Variants in DARS1 observed in about 807,000 individuals in gnomAD.
The protein encoded by DARS1 is aspartyl-tRNA synthetase 1, also known as aspartate--tRNA ligase, cytoplasmic.
Under a neutral mutation model 68.8 loss-of-function variants are expected in DARS1, and 51 were observed. That is an observed-to-expected ratio of 0.74 (90% confidence interval 0.59 to 0.94). The LOEUF is 0.94. Among genes scored for constraint, DARS1 ranks in the 40% least tolerant of loss-of-function variants. The pLI is 0.00. For missense variants in DARS1, 607 were observed against 597.3 expected (o/e 1.02, Z -0.17); for synonymous variants, 203 against 190.4 (o/e 1.07, Z -0.55).
chr2:135,926,186 T>C (rs1014268318), intron 7 of DARS1, among the ~76,000 whole-genome samples: 2 of 152,196 alleles, frequency 1.3e-5, no homozygotes, highest in Non-Finnish European at 2.9e-5. Context: ...CCACGACGCC[T>C]GGCCTAAACT....
chr2:135,978,845 C>T (rs929664537), intron 3 of DARS1: 8 of 153,974 alleles, frequency 5.2e-5, no homozygotes, highest in African/African-American at 1.9e-4. Flanking sequence ...TATTGAATTG[C>T]CCAGTCTTAT....
chr2:135,915,976 G>T (rs309171), intron 11 of DARS1, among the ~76,000 whole-genome samples: 1 of 151,998 alleles, frequency 6.6e-6, no homozygotes, highest in East Asian at 1.9e-4. Context: ...TTATATAAAA[G>T]AGCATCATAC....
intron 5 of DARS1, among the ~76,000 whole-genome samples, chr2:135,935,798 C>T (rs1030599303): frequency 4.6e-5 from 7 of 152,004 alleles, no homozygotes; most frequent in South Asian, 4.1e-4. Context: ...AAAGCACAAA[C>T]GGGAAAAATA....
rs115316382 is a variant in DARS1 at position 135,933,001 on chromosome 2, G to A, written c.505-159C>T. ...AGATAATGGTAGAAACACAAAGTGC[G>A]GCCAGAGAGAAGTTAGCGTTAAAAG... On this transcript the variant is annotated intron_variant, in intron 6 of 15. Coordinates refer to ENST00000264161, the MANE Select transcript of DARS1 (RefSeq NM_001349.4). Among the ~76,000 whole-genome samples, 1,275 of 152,188 alleles carry A rather than the reference G, an allele frequency of 8.4e-3. 14 individuals are homozygous for A. The highest frequency in any genetic ancestry group is 0.027 in the African/African-American group (1,129 of 41,508).
intron 3 of DARS1, among the ~76,000 whole-genome samples, chr2:135,961,761 CA>C (rs1682107154): frequency 6.6e-6 from 1 of 152,036 alleles, no homozygotes; most frequent in Non-Finnish European, 1.5e-5. Context: ...TCACCAATTT[CA>C]AAAAAACTTC....
intron 5 of DARS1, among the ~76,000 whole-genome samples, chr2:135,940,683 T>C (rs1212152181): frequency 1.3e-5 from 2 of 152,178 alleles, no homozygotes; most frequent in African/African-American, 2.4e-5. Context: ...GAGAAAGGAA[T>C]AAAGGGTATT....
At chr2:135,963,678 T>C (rs1011492662) in intron 3 of DARS1, among the ~76,000 whole-genome samples, 1 of 139,924 alleles carries the variant, frequency 7.1e-6, no homozygotes, top group Non-Finnish European at 1.5e-5. Context: ...GGCCTATTAA[T>C]GACTTCTTTT....
chr2:135,935,257 C>T (rs758299297), intron 5 of DARS1, among the ~76,000 whole-genome samples: 2 of 152,038 alleles, frequency 1.3e-5, no homozygotes, highest in East Asian at 3.9e-4. Context: ...TCCTGCCAGT[C>T]TCCTGGTTAG....
At chr2:135,918,999 C>T (rs1190356264) in intron 10 of DARS1, among the ~76,000 whole-genome samples, 4 of 152,162 alleles carry the variant, frequency 2.6e-5, no homozygotes, top group African/African-American at 9.7e-5. Flanking sequence ...GGCACTTATG[C>T]TACAGTATTC....
intron 9 of DARS1, among the ~76,000 whole-genome samples, chr2:135,921,159 G>A (rs1681104121): frequency 6.7e-6 from 1 of 149,938 alleles, no homozygotes; most frequent in Non-Finnish European, 1.5e-5. Context: ...TTTTCCTCCT[G>A]TCCAGTCTTT....
intron 5 of DARS1, among the ~76,000 whole-genome samples, chr2:135,939,676 G>A (rs145602993): frequency 2.0e-5 from 3 of 152,110 alleles, no homozygotes; most frequent in African/African-American, 4.8e-5. Flanking sequence ...AATTGAAGGA[G>A]ACAGAGACAC....
chr2:135,975,569 AG>A (rs1447369003), intron 3 of DARS1, among the ~76,000 whole-genome samples: 1 of 151,876 alleles, frequency 6.6e-6, no homozygotes, highest in Non-Finnish European at 1.5e-5. Flanking sequence ...CGAGGTAGGC[AG>A]ATCACCTGAG....
intron 3 of DARS1, among the ~76,000 whole-genome samples, chr2:135,978,578 C>T (rs72974120): frequency 6.6e-6 from 1 of 152,310 alleles, no homozygotes; most frequent in Non-Finnish European, 1.5e-5. Context: ...TTAGACAATT[C>T]TGAACACTAC....
At chr2:135,956,875 T>C (rs1267888528) in intron 4 of DARS1, among the ~76,000 whole-genome samples, 2 of 151,970 alleles carry the variant, frequency 1.3e-5, no homozygotes, top group Non-Finnish European at 2.9e-5. Flanking sequence ...GCAATTCTCC[T>C]GCCTCAGCTT....
chr2:135,967,627 T>C (rs1002009128), intron 3 of DARS1, among the ~76,000 whole-genome samples: 1 of 152,172 alleles, frequency 6.6e-6, no homozygotes, highest in African/African-American at 2.4e-5. Context: ...ACACTGCCCT[T>C]AAGGAAAAAA....
At chr2:135,920,332 T>C in intron 10 of DARS1, 121 bp downstream of exon 10, 1 of 1,394,752 alleles carries the variant, frequency 7.2e-7, no homozygotes, top group Non-Finnish European at 9.4e-7. Context: ...ATCTAACTGG[T>C]AAATCTTTAT....
chr2:135,979,199 G>A, intron 3 of DARS1, 75 bp downstream of exon 3: 2 of 773,908 alleles, frequency 2.6e-6, no homozygotes, highest in Non-Finnish European at 4.5e-6. Context: ...GATTTACTTT[G>A]GTCTGTGAGG....
At chr2:135,913,955 A>T (rs1311142217) in intron 12 of DARS1, among the ~76,000 whole-genome samples, 2 of 152,194 alleles carry the variant, frequency 1.3e-5, no homozygotes, top group East Asian at 3.9e-4. Context: ...CAGTAGGAGG[A>T]GCTCAAGGAC....
intron 3 of DARS1, among the ~76,000 whole-genome samples, chr2:135,973,548 A>C (rs2104844376): frequency 6.6e-6 from 1 of 152,148 alleles, no homozygotes; most frequent in South Asian, 2.1e-4. Flanking sequence ...ATAATTGTAC[A>C]TTTAAAAATA....
Sources: gnomAD v4.1 joint callset for allele counts (sites outside exome capture counted in the v4.1 genomes callset) on GRCh38, gnomAD v4.1.1 for gene constraint, MANE v1.5 for transcripts, NCBI Gene and HGNC (gene_info 2026-07-23, HGNC 2026-07-21) for gene names.